The following EPHB2 variants were observed in gnomAD, a reference collection of about 807,000 sequenced individuals.
EPHB2 encodes the protein ephrin type-B receptor 2.
EPHB2 carries 18 observed loss-of-function variants against 96.4 expected under a neutral mutation model. The ratio of observed to expected loss-of-function variants is 0.19; its 90% CI spans 0.13 to 0.28. The LOEUF (loss-of-function observed/expected upper bound fraction) is 0.28. Ranked by LOEUF, EPHB2 falls within the 10% of genes least tolerant of loss-of-function variation. EPHB2 has a pLI of 1.00. For synonymous variants in EPHB2, 506 were observed against 534.1 expected (o/e 0.95, Z 0.72); for missense variants, 989 against 1,355.4 (o/e 0.73, Z 4.25).
At chr1:22,803,201 G>A (rs1644870229) in intron 3 of EPHB2, among the ~76,000 whole-genome samples, 1 of 152,146 alleles carries the variant, frequency 6.6e-6, no homozygotes, top group Admixed American at 6.5e-5. Context: ...TCATTCCATA[G>A]CTGCCTGGGC....
At chr1:22,867,127 A>G (rs1638504677) in intron 5 of EPHB2, among the ~76,000 whole-genome samples, 1 of 152,038 alleles carries the variant, frequency 6.6e-6, no homozygotes, top group African/African-American at 2.4e-5. Flanking sequence ...GGTCTGACAG[A>G]CTCCAGTTCT....
intron 3 of EPHB2, among the ~76,000 whole-genome samples, chr1:22,807,232 T>C (rs1332063195): frequency 6.6e-6 from 1 of 152,172 alleles, no homozygotes; most frequent in East Asian, 1.9e-4. Context: ...TTGGGCACTG[T>C]AGGGTGTAGA....
At chr1:22,728,455 G>A (rs1431935113) in intron 1 of EPHB2, among the ~76,000 whole-genome samples, 2 of 152,226 alleles carry the variant, frequency 1.3e-5, no homozygotes, top group Non-Finnish European at 2.9e-5. Context: ...ATGGAACTGG[G>A]ATAGAAGCCC....
At position 22,886,300 on chromosome 1, in the gene EPHB2, C is replaced by T. The variant is rs1639222576; in HGVS notation, c.1428+3817C>T. Among the ~76,000 whole-genome samples the T allele has an allele frequency of 2.0e-5, 3 of 152,330 alleles. No individual in the cohort carries two copies. The South Asian group carries it at 6.2e-4, about 32-fold the overall frequency. The stretch of plus-strand genomic sequence containing the variant: ...GTGTGGGCTGCATTCAGGAAACAGA[C>T]AAGGCAAGTGTGGCAGAAGCAGAAG... On this transcript the variant is annotated intron_variant, in intron 6 of 15. Transcript: ENST00000374630.
chr1:22,715,411 C>T (rs1163599934), intron 1 of EPHB2, among the ~76,000 whole-genome samples: 1 of 152,044 alleles, frequency 6.6e-6, no homozygotes. Context: ...TGCCTCCCTC[C>T]CTCCCCCAGC....
Position 22,863,164 on chromosome 1 carries a change from C to A in EPHB2, c.939C>A (p.Asp313Glu), listed in dbSNP as rs1369082768. 2 of 1,614,218 alleles carry A rather than the reference C, an allele frequency of 1.2e-6. No homozygotes were observed. Among genetic ancestry groups the A allele is most frequent in the Admixed American group, 1.7e-5 (1 of 60,028 alleles). ...CVCRNGYYRA[D>E]LDPLDMPCTT... ...GCCGCAATGGCTACTACAGAGCAGACCTGGACCCCCTGGACATGCCCTGCA... is the reference window on the plus strand; with the variant it reads ...GCCGCAATGGCTACTACAGAGCAGAACTGGACCCCCTGGACATGCCCTGCA... The change falls in exon 4 of 16, where the codon GAC (aspartate) becomes GAA (glutamate). Residue 313 changes from aspartate (D) to glutamate (E), a missense_variant. By Grantham distance (45) the Asp-to-Glu change is conservative. Transcript: ENST00000374630.
intron 1 of EPHB2, among the ~76,000 whole-genome samples, chr1:22,734,583 G>A (rs532873064): frequency 6.6e-6 from 1 of 151,888 alleles, no homozygotes; most frequent in Admixed American, 6.6e-5. Flanking sequence ...CACTGCGCCC[G>A]ACTAATTTTT....
chr1:22,743,397 C>T (rs1312934033), intron 1 of EPHB2, among the ~76,000 whole-genome samples: 1 of 152,174 alleles, frequency 6.6e-6, no homozygotes, highest in Non-Finnish European at 1.5e-5. Context: ...CTTCAGTTTC[C>T]TCCTCTTTAA....
Position 22,784,796 on chromosome 1 carries a change from C to T in EPHB2, c.531C>T (p.Ala177=), listed in dbSNP as rs1379606363. 1.2e-6 allele frequency: 2 copies of T among 1,604,336 alleles called. No homozygotes were observed. The highest frequency in any genetic ancestry group is 8.5e-7 in the Non-Finnish European group (1 of 1,173,594). Residue 177 remains alanine, a synonymous_variant, in exon 3 of 16, where the codon GCC becomes GCT. Coordinates refer to ENST00000374630, the MANE Select transcript of EPHB2 (RefSeq NM_017449.5). This position sits in a 1 kb window ranked among gnomAD's most constrained non-coding sequence, Gnocchi z 5.1. ...TGTCCCGCAGCGGCTTCTACCTGGC[C>T]TTCCAGGACTATGGCGGCTGCATGT... ...GPVSRSGFYL[A]FQDYGGCMSL...
intron 3 of EPHB2, among the ~76,000 whole-genome samples, chr1:22,786,501 T>TG (rs1461788206): frequency 6.6e-6 from 1 of 152,176 alleles, no homozygotes; most frequent in Non-Finnish European, 1.5e-5. Flanking sequence ...TACTTTAGCC[T>TG]GGGGGTGGTT....
chr1:22,782,764 G>T (rs1364325642), intron 2 of EPHB2, among the ~76,000 whole-genome samples: 1 of 152,036 alleles, frequency 6.6e-6, no homozygotes, highest in Non-Finnish European at 1.5e-5. Context: ...TTGTCACATG[G>T]TGCCACCAAA....
intron 3 of EPHB2, among the ~76,000 whole-genome samples, chr1:22,802,589 G>T (rs1372818130): frequency 1.3e-5 from 2 of 152,080 alleles, no homozygotes. Flanking sequence ...AGAGGAGAAA[G>T]GTCTGGCTCG....
chr1:22,756,706 G>C (rs1245586476), intron 1 of EPHB2, among the ~76,000 whole-genome samples: 1 of 152,084 alleles, frequency 6.6e-6, no homozygotes, highest in Non-Finnish European at 1.5e-5. Flanking sequence ...CCATCTCACT[G>C]GGCCAGCCCC....
chr1:22,871,301 A>G (rs1346735187), intron 5 of EPHB2, among the ~76,000 whole-genome samples: 3 of 152,204 alleles, frequency 2.0e-5, no homozygotes, highest in African/African-American at 7.2e-5. Flanking sequence ...TGCTCCATCC[A>G]TACCACAGCC....
intron 1 of EPHB2, among the ~76,000 whole-genome samples, chr1:22,759,215 T>A (rs1644200249): frequency 6.6e-6 from 1 of 152,134 alleles, no homozygotes; most frequent in Non-Finnish European, 1.5e-5. Context: ...GCATAGCCAC[T>A]AATCACCAAG....
intron 1 of EPHB2, among the ~76,000 whole-genome samples, chr1:22,721,873 C>T (rs574914096): frequency 6.6e-6 from 1 of 152,114 alleles, no homozygotes; most frequent in East Asian, 1.9e-4. Context: ...TCTTCAGCCT[C>T]CCAAAGTGCT....
chr1:22,826,388 C>G (rs1319949530), intron 3 of EPHB2, among the ~76,000 whole-genome samples: 1 of 152,164 alleles, frequency 6.6e-6, no homozygotes, highest in Admixed American at 6.5e-5. Context: ...GGAGAGGGTC[C>G]CAAATATATT....
chr1:22,781,066 C>A (rs1047540455), intron 1 of EPHB2, among the ~76,000 whole-genome samples: 5 of 151,686 alleles, frequency 3.3e-5, no homozygotes, highest in East Asian at 3.9e-4. Context: ...CACGCCTGTA[C>A]TCCCAGCACT....
At chr1:22,728,226 CTGAA>C (rs61525878) in intron 1 of EPHB2, among the ~76,000 whole-genome samples, 12,845 of 152,126 alleles carry the variant, frequency 0.084, 848 homozygotes, top group East Asian at 0.28. Flanking sequence ...TAAAAAATTA[CTGAA>C]TGAATGAATG....
Sources: allele counts gnomAD v4.1 joint callset (sites outside exome capture counted in the v4.1 genomes callset), GRCh38; gene constraint gnomAD v4.1.1; non-coding constraint Gnocchi (gnomAD v3.1); transcripts MANE v1.5; gene names NCBI Gene and HGNC (gene_info 2026-07-23, HGNC 2026-07-21).